Variants in DLGAP3 observed in about 807,000 individuals in gnomAD.
The protein encoded by DLGAP3 is DLG associated protein 3.
A neutral mutation model predicts 81.2 loss-of-function variants in DLGAP3; 17 were observed. The observed-to-expected ratio is 0.21, with a 90% confidence interval of 0.14 to 0.31. The LOEUF (loss-of-function observed/expected upper bound fraction) is 0.31, where lower values mean the gene tolerates loss of function less well. DLGAP3 is among the 10% of genes least tolerant of loss of function. The pLI is 1.00. For missense variants in DLGAP3, 1,124 were observed against 1,388.0 expected (o/e 0.81, Z 3.02); for synonymous variants, 577 against 587.4 (o/e 0.98, Z 0.26).
intron 1 of DLGAP3, among the ~76,000 whole-genome samples, chr1:34,924,296 G>C (rs1340660975): frequency 2.0e-5 from 3 of 152,086 alleles, no homozygotes; most frequent in South Asian, 2.1e-4. Context: ...CCACTGCCCT[G>C]TCTCCAGTAG....
intron 1 of DLGAP3, among the ~76,000 whole-genome samples, chr1:34,916,646 T>TTTTTATTTTA (rs139003111): frequency 5.1e-5 from 7 of 138,014 alleles, no homozygotes; most frequent in African/African-American, 1.9e-4. Context: ...ATACTTTTAT[T>TTTTTATTTTA]TTTTATTTTA....
rs1055899121 is a variant in DLGAP3, at chr1:34,906,022, A to T, written c.-51-588T>A. Among the ~76,000 whole-genome samples the T allele has an allele frequency of 1.0e-3, 129 of 128,716 alleles. 10 individuals carry two copies. The highest frequency in any genetic ancestry group is 3.4e-3 in the African/African-American group (123 of 36,012). The allele number at this position is 128,716 out of a possible 152,430, so 84.4% of individuals were successfully genotyped here. A position where few individuals can be genotyped will look rare whatever the true frequency, so the allele number is the denominator to read the frequency against. On this transcript the variant is annotated intron_variant, in intron 2 of 11. Transcript: ENST00000373347. ...CGAGACCTGGCCTCTAAATTTATATATATATATATATTTGTTTGTTTTTAT... is the reference window on the plus strand; with the variant it reads ...CGAGACCTGGCCTCTAAATTTATATTTATATATATATTTGTTTGTTTTTAT...
chr1:34,910,836 T>C (rs1259126404), intron 1 of DLGAP3, among the ~76,000 whole-genome samples: 2 of 152,230 alleles, frequency 1.3e-5, no homozygotes, highest in Non-Finnish European at 2.9e-5. Context: ...CCCATTAGAA[T>C]GTAAGCTCCA....
intron 1 of DLGAP3, among the ~76,000 whole-genome samples, chr1:34,920,788 A>G (rs1639785512): frequency 6.6e-6 from 1 of 152,224 alleles, no homozygotes; most frequent in Admixed American, 6.5e-5. Flanking sequence ...GACACTGTAG[A>G]TACAGCAATG....
Position 34,900,305 on chromosome 1 carries a change from A to G in DLGAP3, c.1108-32T>C. ...GAACAGGGGTCTCTGTCTCTCAGAC[A>G]TGACCCTAGTAAATCTAGAGGCCAG... On this transcript the variant is annotated intron_variant, in intron 3 of 11. Coordinates refer to ENST00000373347, the MANE Select transcript of DLGAP3 (RefSeq NM_001080418.3). This position sits in a 1 kb window ranked among gnomAD's most constrained non-coding sequence, Gnocchi z 5.6. The G allele has an allele frequency of 1.9e-6, 3 of 1,599,774 alleles. No homozygotes were observed. Among genetic ancestry groups the G allele is most frequent in the East Asian group, 2.2e-5 (1 of 44,816 alleles).
At chr1:34,912,125 G>T (rs1339900871) in intron 1 of DLGAP3, among the ~76,000 whole-genome samples, 1 of 152,162 alleles carries the variant, frequency 6.6e-6, no homozygotes, top group Non-Finnish European at 1.5e-5. Context: ...AATGATGTAA[G>T]GTTTAACAAG....
At chr1:34,883,518 G>A (rs571895984) in intron 8 of DLGAP3, among the ~76,000 whole-genome samples, 1 of 152,334 alleles carries the variant, frequency 6.6e-6, no homozygotes, top group South Asian at 2.1e-4. Context: ...GTAGGATTCA[G>A]AACATAGAGT....
chr1:34,917,629 G>C (rs534611369), intron 1 of DLGAP3, among the ~76,000 whole-genome samples: 1 of 152,280 alleles, frequency 6.6e-6, no homozygotes, highest in East Asian at 1.9e-4. Flanking sequence ...ATAGGCTTGA[G>C]CCACCGTGGC....
chr1:34,925,118 T>C (rs2148422353), intron 1 of DLGAP3, among the ~76,000 whole-genome samples: 1 of 151,900 alleles, frequency 6.6e-6, no homozygotes, highest in Non-Finnish European at 1.5e-5. Flanking sequence ...ACACCCCCTT[T>C]AGAACAGAAG....
chr1:34,896,618 A>ACACACACACAC (rs1557480818), intron 5 of DLGAP3, among the ~76,000 whole-genome samples: 1 of 101,544 alleles, frequency 9.8e-6, no homozygotes, highest in Admixed American at 8.6e-5. Context: ...CACACACACA[A>ACACACACACAC]AATCAAACTG....
intron 8 of DLGAP3, 122 bp from the exon 9 acceptor site, chr1:34,869,211 T>C: frequency 1.4e-6 from 1 of 701,820 alleles, no homozygotes; most frequent in South Asian, 1.9e-5. Flanking sequence ...GACATTAACC[T>C]ATGCACTTTA....
At chr1:34,892,169 A>G (rs1639320521) in intron 5 of DLGAP3, among the ~76,000 whole-genome samples, 1 of 152,214 alleles carries the variant, frequency 6.6e-6, no homozygotes, top group Non-Finnish European at 1.5e-5. Context: ...AGAGAGAGAG[A>G]TTAAATAAAG....
intron 1 of DLGAP3, among the ~76,000 whole-genome samples, chr1:34,924,464 GTGTCCC>G (rs1639838848): frequency 6.6e-6 from 1 of 152,216 alleles, no homozygotes; most frequent in Admixed American, 6.5e-5. Context: ...GAATATTTCA[GTGTCCC>G]TGTCCCAAAT....
rs762728390 is a variant in DLGAP3, at chr1:34,900,028, G to C, written c.1313+40C>G. The C allele has an allele frequency of 2.6e-6, 4 of 1,565,938 alleles. No homozygotes were observed. Among genetic ancestry groups the C allele is most frequent in the Non-Finnish European group, 2.6e-6 (3 of 1,143,864 alleles). On this transcript the variant is annotated intron_variant, in intron 4 of 11. Transcript: ENST00000373347. The surrounding 1 kb of genome is among the most constrained non-coding windows in gnomAD (Gnocchi z 5.6). ...CATCTCCCGCAGGAGTCCAGCATCA[G>C]CCTCCTGACCCCGCACCCCCCGGCC...
intron 5 of DLGAP3, among the ~76,000 whole-genome samples, chr1:34,896,923 T>A (rs1639388015): frequency 6.6e-6 from 1 of 151,958 alleles, no homozygotes; most frequent in African/African-American, 2.4e-5. Context: ...CTACCCTAGG[T>A]TTAGGCCAAG....
rs377401381 is a variant in DLGAP3, at chr1:34,868,644, T to C, written c.2446A>G (p.Met816Val). Residue 816 changes from methionine (M) to valine (V), a missense_variant, in exon 9 of 12, where the codon ATG (methionine) becomes GTG (valine). Around this residue, in one of 9 missense-constraint regions of DLGAP3, gnomAD observed 379 missense variants for 455.7 expected, o/e 0.83. Coordinates refer to ENST00000373347, the MANE Select transcript of DLGAP3 (RefSeq NM_001080418.3). This position sits in a 1 kb window ranked among gnomAD's most constrained non-coding sequence, Gnocchi z 7.5. ...VEKLEHWCQQ[M>V]EREAEDYELP... is the part of the protein sequence containing the mutation. ...TCATAGTCCTCCGCCTCACGCTCCATCTGCTGGCACCAGTGCTCCAGCTTC... is the reference window on the plus strand; with the variant it reads ...TCATAGTCCTCCGCCTCACGCTCCACCTGCTGGCACCAGTGCTCCAGCTTC... The C allele has an allele frequency of 2.2e-5, 35 of 1,612,980 alleles. No homozygotes were observed. Among genetic ancestry groups the C allele is most frequent in the Non-Finnish European group, 2.3e-5 (27 of 1,180,010 alleles).
chr1:34,922,067 A>C (rs946216810), intron 1 of DLGAP3, among the ~76,000 whole-genome samples: 1 of 152,050 alleles, frequency 6.6e-6, no homozygotes, highest in Non-Finnish European at 1.5e-5. Flanking sequence ...CAACTTGTTG[A>C]ATTTTGAAAC....
intron 1 of DLGAP3, among the ~76,000 whole-genome samples, chr1:34,919,101 AGG>A (rs1317596012): frequency 2.0e-5 from 3 of 152,000 alleles, no homozygotes; most frequent in Non-Finnish European, 4.4e-5. Context: ...CCCAGGTGGG[AGG>A]GGAGCGGCTG....
chr1:34,867,039 C>T lies in DLGAP3; in HGVS notation c.2721+9G>A, dbSNP rs753650529. ...CTGGCCTCTTTGCCTGAAGGCACCC[C>T]AGCCCCACCTTAGGCTCCAGGAGTT... is the stretch of plus-strand genomic sequence containing the variant. On this transcript the variant is annotated intron_variant, in intron 11 of 11. Coordinates refer to ENST00000373347, the MANE Select transcript of DLGAP3 (RefSeq NM_001080418.3). This position sits in a 1 kb window ranked among gnomAD's most constrained non-coding sequence, Gnocchi z 4.3. The T allele has an allele frequency of 1.2e-6, 2 of 1,614,066 alleles. No homozygotes were observed. Among genetic ancestry groups the T allele is most frequent in the Non-Finnish European group, 1.7e-6 (2 of 1,179,918 alleles).
Sources: gnomAD v4.1 joint callset for allele counts (sites outside exome capture counted in the v4.1 genomes callset) on GRCh38, gnomAD v4.1.1 for gene constraint, gnomAD v4.1.1 regional missense constraint, Gnocchi (gnomAD v3.1) non-coding constraint, MANE v1.5 for transcripts, NCBI Gene and HGNC (gene_info 2026-07-23, HGNC 2026-07-21) for gene names.